MAPK4: variants seen among roughly 807,000 people sequenced by gnomAD.
The protein encoded by MAPK4 is Erk3-related.
MAPK4 carries 22 observed loss-of-function variants against 47.7 expected under a neutral mutation model. The ratio of observed to expected loss-of-function variants is 0.46; its 90% CI spans 0.33 to 0.66. The LOEUF (loss-of-function observed/expected upper bound fraction) is 0.66, where lower values mean the gene tolerates loss of function less well. Among genes scored for constraint, MAPK4 ranks in the 30% least tolerant of loss-of-function variants. The pLI, the probability that MAPK4 is intolerant of heterozygous loss-of-function variation, is 0.02. For synonymous variants in MAPK4, 390 were observed against 365.7 expected, an observed-to-expected ratio of 1.07 and a Z score of -0.76; for missense variants, 736 against 831.7, an observed-to-expected ratio of 0.88 and a Z score of 1.42.
At chr18:50,559,758 G>A (rs145618150), upstream of MAPK4, among the ~76,000 whole-genome samples, 9,167 of 151,866 alleles carry the variant, frequency 0.06, 354 homozygotes, top group Non-Finnish European at 0.086. Context: ...CACGGCGGGC[G>A]TGAGGAAGGG....
At position 50,700,275 on chromosome 18, in the gene MAPK4, T is replaced by G. The variant is rs77437882; in HGVS notation, c.547-14804T>G. On this transcript the variant is annotated intron_variant, in intron 2 of 5. Coordinates refer to ENST00000400384, the MANE Select transcript of MAPK4 (RefSeq NM_002747.4). ...CTGTCACTCAGGAAATTCCAAGGGT[T>G]TAGAAGCTTCCTCCAGGAACTGAGA... 7.1e-3 allele frequency among the ~76,000 whole-genome samples: 1,088 copies of G among 152,276 alleles called. 12 individuals carry two copies. The highest frequency in any genetic ancestry group is 0.024 in the African/African-American group (1,005 of 41,548).
intron 2 of MAPK4, among the ~76,000 whole-genome samples, chr18:50,667,304 T>C (rs12607365): frequency 0.17 from 25,287 of 152,170 alleles, 2,308 homozygotes; most frequent in East Asian, 0.37. Context: ...ACCTAAGACA[T>C]GGCCCTCAAT....
intron 1 of MAPK4, among the ~76,000 whole-genome samples, chr18:50,629,173 G>T (rs2042807397): frequency 6.6e-6 from 1 of 152,214 alleles, no homozygotes; most frequent in Non-Finnish European, 1.5e-5. Context: ...GAAATGCAGT[G>T]TATTCAGGCT....
intron 5 of MAPK4, among the ~76,000 whole-genome samples, chr18:50,727,134 C>T (rs1382449742): frequency 6.6e-6 from 1 of 152,204 alleles, no homozygotes; most frequent in Non-Finnish European, 1.5e-5. Flanking sequence ...TGCCTAGGCA[C>T]GTAATGATCT....
chr18:50,702,437 A>G (rs1432170157), intron 2 of MAPK4, among the ~76,000 whole-genome samples: 1 of 152,186 alleles, frequency 6.6e-6, no homozygotes, highest in African/African-American at 2.4e-5. Context: ...AGAGAAGATC[A>G]GAGATTATGC....
intron 1 of MAPK4, among the ~76,000 whole-genome samples, chr18:50,651,425 C>T (rs7244090): frequency 0.022 from 3,363 of 152,272 alleles, 115 homozygotes; most frequent in African/African-American, 0.076. Flanking sequence ...GTGTGGAATG[C>T]GCTATGGGCC....
chr18:50,580,843 T>A (rs527283242), intron 1 of MAPK4, among the ~76,000 whole-genome samples: 1 of 152,328 alleles, frequency 6.6e-6, no homozygotes, highest in South Asian at 2.1e-4. Flanking sequence ...TTACAGAACT[T>A]CTTTTATACC....
intron 1 of MAPK4, among the ~76,000 whole-genome samples, chr18:50,580,754 C>T: frequency 6.6e-6 from 1 of 152,182 alleles, no homozygotes. Flanking sequence ...TATAAACTGC[C>T]ATATTCTCTA....
chr18:50,610,929 T>C (rs1342700301), intron 1 of MAPK4, among the ~76,000 whole-genome samples: 1 of 152,206 alleles, frequency 6.6e-6, no homozygotes, highest in Non-Finnish European at 1.5e-5. Context: ...TGAGGGCTGC[T>C]ATTCTATGCT....
chr18:50,726,856 C>CA (rs60760704), intron 5 of MAPK4, among the ~76,000 whole-genome samples: 46,688 of 137,838 alleles, frequency 0.34, 8,928 homozygotes, highest in East Asian at 0.6. Flanking sequence ...GAGACCCTGT[C>CA]AAAAAAAAAA....
intron 2 of MAPK4, among the ~76,000 whole-genome samples, chr18:50,708,745 G>A (rs565705429): frequency 6.6e-6 from 1 of 152,272 alleles, no homozygotes; most frequent in African/African-American, 2.4e-5. Flanking sequence ...GCGAGGCAGT[G>A]GAGCCCTCTA....
At chr18:50,720,164 C>T (rs978568459) in intron 3 of MAPK4, among the ~76,000 whole-genome samples, 13 of 152,296 alleles carry the variant, frequency 8.5e-5, no homozygotes, top group Non-Finnish European at 1.5e-4. Context: ...TAAGATGCCT[C>T]CCCCAAGTGA....
chr18:50,591,393 T>C (rs575634858), intron 1 of MAPK4, among the ~76,000 whole-genome samples: 1 of 152,162 alleles, frequency 6.6e-6, no homozygotes, highest in South Asian at 2.1e-4. Flanking sequence ...CTTGTAGATG[T>C]TCCCAACAGC....
At chr18:50,610,735 G>T (rs887343005) in intron 1 of MAPK4, among the ~76,000 whole-genome samples, 2 of 152,188 alleles carry the variant, frequency 1.3e-5, no homozygotes, top group African/African-American at 2.4e-5. Context: ...AGACTGAACA[G>T]ATGGTGTGCA....
intron 1 of MAPK4, among the ~76,000 whole-genome samples, chr18:50,582,008 G>T (rs957604912): frequency 6.6e-6 from 1 of 152,164 alleles, no homozygotes; most frequent in Non-Finnish European, 1.5e-5. Flanking sequence ...TCTGCTGGAG[G>T]GTTAGAGCCC....
At chr18:50,701,198 C>T (rs1473705243) in intron 2 of MAPK4, among the ~76,000 whole-genome samples, 13 of 149,612 alleles carry the variant, frequency 8.7e-5, no homozygotes, top group African/African-American at 3.0e-4. Context: ...CCTCCTTGGC[C>T]ATTATCCTCT....
chr18:50,703,148 A>T (rs1465267266), intron 2 of MAPK4, among the ~76,000 whole-genome samples: 1 of 151,970 alleles, frequency 6.6e-6, no homozygotes. Flanking sequence ...TCTCAAATTG[A>T]TCTCAAGACC....
intron 1 of MAPK4, among the ~76,000 whole-genome samples, chr18:50,579,308 T>C (rs966976336): frequency 6.6e-6 from 1 of 152,218 alleles, no homozygotes; most frequent in Non-Finnish European, 1.5e-5. Flanking sequence ...TCTTGGCCTC[T>C]GCTCAGGATT....
intron 1 of MAPK4, among the ~76,000 whole-genome samples, chr18:50,640,990 T>G (rs1322675512): frequency 6.6e-6 from 1 of 152,190 alleles, no homozygotes; most frequent in Admixed American, 6.5e-5. Context: ...AGCGTTTTTG[T>G]CTTTTAAATC....
Sources: gnomAD v4.1 joint callset for allele counts (sites outside exome capture counted in the v4.1 genomes callset) on GRCh38, gnomAD v4.1.1 for gene constraint, MANE v1.5 for transcripts, NCBI Gene and HGNC (gene_info 2026-07-23, HGNC 2026-07-21) for gene names.